The following PACS1 variants were observed in gnomAD, a reference collection of about 807,000 sequenced individuals.
The protein encoded by PACS1 is PACS-1.
In PACS1, 24 loss-of-function variants were observed where a neutral mutation model predicts 115.0. The ratio of observed to expected loss-of-function variants is 0.21; its 90% confidence interval spans 0.15 to 0.29. The LOEUF is 0.29. PACS1 is among the 10% of genes least tolerant of loss of function. The pLI, the probability that PACS1 is intolerant of heterozygous loss-of-function variation, is 1.00. For missense variants in PACS1, 838 were observed against 1,251.2 expected (o/e 0.67, Z 4.98); for synonymous variants, 453 against 504.5 (o/e 0.90, Z 1.37).
chr11:66,197,201 T>C (rs951392981), intron 2 of PACS1, among the ~76,000 whole-genome samples: 2 of 152,128 alleles, frequency 1.3e-5, no homozygotes, highest in Non-Finnish European at 2.9e-5. Flanking sequence ...AGGGTTAGTC[T>C]AAAGAGTTCC....
At chr11:66,079,311 T>TTTC (rs1554973999) in intron 1 of PACS1, among the ~76,000 whole-genome samples, 1 of 149,024 alleles carries the variant, frequency 6.7e-6, no homozygotes, top group African/African-American at 2.4e-5. Flanking sequence ...AGGTTTTTTT[T>TTTC]TTTTTTTTTT....
At chr11:66,211,023 C>T (rs1855059126) in intron 3 of PACS1, 111 bp from the exon 4 acceptor site, 1 of 1,278,698 alleles carries the variant, frequency 7.8e-7, no homozygotes, top group African/African-American at 1.5e-5. Context: ...CCTGACTGCC[C>T]CCTTTTAGAG....
chr11:66,241,376 G>A lies in PACS1; in HGVS notation c.2430-51G>A, dbSNP rs1272967497. 2.8e-6 allele frequency: 4 copies of A among 1,430,946 alleles called. No homozygotes were observed. In the South Asian group the frequency reaches 5.1e-5, roughly 18 times the overall value. 88.6% of individuals were successfully genotyped at this position (1,430,946 alleles called of 1,614,324 possible). A position where few individuals can be genotyped will look rare whatever the true frequency, so the allele number is the denominator to read the frequency against. On this transcript the variant is annotated intron_variant, in intron 21 of 23. Coordinates refer to ENST00000320580, the MANE Select transcript of PACS1 (RefSeq NM_018026.4). ...GCCCCTACCCCATCAGGCCTATGTA[G>A]TTGGGAGCTGAAGGCAGAGCTGACC...
chr11:66,076,586 T>C (rs1280937651), intron 1 of PACS1, among the ~76,000 whole-genome samples: 1 of 151,992 alleles, frequency 6.6e-6, no homozygotes, highest in East Asian at 1.9e-4. Context: ...AGAGACGGGG[T>C]TTCCCCATGT....
rs372870479 is a variant in PACS1 at position 66,239,272 on chromosome 11, C to T, written c.2424C>T (p.Ile808=). 5.0e-6 allele frequency: 8 copies of T among 1,611,280 alleles called. No individual in the cohort carries two copies. Among genetic ancestry groups the T allele is most frequent in the African/African-American group, 4.0e-5 (3 of 74,866 alleles). ...SSPSMSSALA[I]VGSPNSPYGD... Reference sequence around the variant, plus strand: ...CATCTATGAGCAGCGCCCTGGCCATCGTGGGGTAAGGCTCCTGCCCGTACC... The same window carrying T: ...CATCTATGAGCAGCGCCCTGGCCATTGTGGGGTAAGGCTCCTGCCCGTACC... Residue 808 remains isoleucine (I), a synonymous_variant, in exon 21 of 24, where the codon ATC becomes ATT. Coordinates refer to ENST00000320580, the MANE Select transcript of PACS1 (RefSeq NM_018026.4).
At chr11:66,172,420 A>C (rs1460660352) in intron 1 of PACS1, among the ~76,000 whole-genome samples, 3 of 152,044 alleles carry the variant, frequency 2.0e-5, no homozygotes, top group Non-Finnish European at 4.4e-5. Flanking sequence ...TTCTTGGGCC[A>C]CTCACTGTGG....
chr11:66,118,784 A>AG (rs1364138321), intron 1 of PACS1, among the ~76,000 whole-genome samples: 2 of 151,234 alleles, frequency 1.3e-5, no homozygotes, highest in African/African-American at 4.8e-5. Context: ...AAAAAAAAAA[A>AG]AAAAAAAAGA....
intron 2 of PACS1, among the ~76,000 whole-genome samples, chr11:66,199,279 C>T (rs1854720496): frequency 6.7e-6 from 1 of 149,072 alleles, no homozygotes; most frequent in South Asian, 2.1e-4. Flanking sequence ...CGCACCACTG[C>T]ACTCCAGCCT....
At chr11:66,116,961 G>A (rs994124978) in intron 1 of PACS1, among the ~76,000 whole-genome samples, 31 of 151,962 alleles carry the variant, frequency 2.0e-4, no homozygotes, top group Non-Finnish European at 4.4e-5. Flanking sequence ...ACAAATAAAG[G>A]GCAGTATATA....
In PACS1 at chr11:66,167,409, A is replaced by G. The variant is rs573049200; in HGVS notation, c.357-26077A>G. 4.9e-5 allele frequency among the ~76,000 whole-genome samples: 7 copies of G among 143,542 alleles called. No individual in the cohort carries two copies. In the South Asian group the frequency reaches 6.5e-4, roughly 13 times the overall value. The allele number at this position is 143,542 out of a possible 152,430, so 94.2% of individuals were successfully genotyped here. A position where few individuals can be genotyped will look rare whatever the true frequency, so the allele number is the denominator to read the frequency against. ...TGGAGTGCAGTCATAGCTCACTGCAACCTCGAACTTGAACTCCCGGCCTCA... is the reference window on the plus strand; with the variant it reads ...TGGAGTGCAGTCATAGCTCACTGCAGCCTCGAACTTGAACTCCCGGCCTCA... On this transcript the variant is annotated intron_variant, in intron 1 of 23. Coordinates refer to ENST00000320580, the MANE Select transcript of PACS1 (RefSeq NM_018026.4).
intron 1 of PACS1, among the ~76,000 whole-genome samples, chr11:66,178,835 G>A (rs1312557817): frequency 6.6e-6 from 1 of 152,172 alleles, no homozygotes; most frequent in Non-Finnish European, 1.5e-5. Flanking sequence ...GAGAGAGAAT[G>A]AGGTTGAAAT....
intron 10 of PACS1, among the ~76,000 whole-genome samples, chr11:66,226,315 T>C (rs1301789581): frequency 6.6e-6 from 1 of 152,254 alleles, no homozygotes; most frequent in African/African-American, 2.4e-5. Context: ...TCCCAGAGTC[T>C]GGCTCAGGCA....
intron 2 of PACS1, among the ~76,000 whole-genome samples, chr11:66,195,048 A>C (rs1456320058): frequency 6.6e-6 from 1 of 152,064 alleles, no homozygotes; most frequent in Non-Finnish European, 1.5e-5. Flanking sequence ...ACATGGTGAA[A>C]CCCCATCTCT....
In PACS1 at chr11:66,123,214, C is replaced by T. The variant is rs906632282; in HGVS notation, c.356+52372C>T. On this transcript the variant is annotated intron_variant, in intron 1 of 23. Transcript: ENST00000320580. ...CTTTTTTTTTTTTTTTTTAATGAGA[C>T]GGAGTCTTGCTTGGTTGCCCGGGCT... 7.9e-5 allele frequency among the ~76,000 whole-genome samples: 11 copies of T among 139,582 alleles called. No homozygotes were observed. In the East Asian group the frequency reaches 1.0e-3, roughly 13 times the overall value. The allele number at this position is 139,582 out of a possible 152,430, so 91.6% of individuals were successfully genotyped here.
chr11:66,222,216 G>A (rs778515616), intron 10 of PACS1, among the ~76,000 whole-genome samples: 31 of 152,186 alleles, frequency 2.0e-4, no homozygotes, highest in African/African-American at 7.2e-4. Flanking sequence ...CACCAGACTG[G>A]GGAAGGAGCA....
chr11:66,070,610 C>A lies in PACS1; in HGVS notation c.124C>A (p.Pro42Thr). The A allele has an allele frequency of 6.5e-7, 1 of 1,530,670 alleles. No individual in the cohort carries two copies. Among genetic ancestry groups the A allele is most frequent in the Non-Finnish European group, 8.7e-7 (1 of 1,147,986 alleles). 94.8% of individuals were successfully genotyped at this position (1,530,670 alleles called of 1,614,324 possible). Residue 42 changes from proline (P) to threonine (T), a missense_variant, in exon 1 of 24, where the codon CCG becomes ACG. Physicochemically the swap from Pro to Thr is conservative, Grantham distance 38. Coordinates refer to ENST00000320580, the MANE Select transcript of PACS1 (RefSeq NM_018026.4). This position sits in a 1 kb window ranked among gnomAD's most constrained non-coding sequence, Gnocchi z 5.9. The part of the protein sequence containing the change: ...PPPQQQQQQP[P>T]QQPTPPKLAQ... ...GCCGCAGCAGCAGCAGCAGCAGCCG[C>A]CGCAGCAGCCGACGCCCCCCAAGCT...
chr11:66,230,636 C>T lies in PACS1; in HGVS notation c.1463C>T (p.Thr488Met), dbSNP rs544856687. ...KVKTPMKSSK[T>M]DLQGSASPSK... ...AAAACTCCCATGAAGTCCAGTAAAA[C>T]GGATCTCCAGGGCTCTGCCTCCCCC... Residue 488 changes from threonine (T) to methionine (M), a missense_variant, in exon 12 of 24, where the codon ACG (threonine) becomes ATG (methionine). Thr to Met is a moderately conservative substitution (Grantham distance 81). Coordinates refer to ENST00000320580, the MANE Select transcript of PACS1 (RefSeq NM_018026.4). 1.4e-5 allele frequency: 23 copies of T among 1,613,948 alleles called. No homozygotes were observed. Among genetic ancestry groups the T allele is most frequent in the Admixed American group, 1.2e-4 (7 of 60,032 alleles).
intron 3 of PACS1, 148 bp from the exon 4 acceptor site, chr11:66,210,986 C>A (rs1225322402): frequency 2.3e-6 from 2 of 876,726 alleles, no homozygotes; most frequent in Non-Finnish European, 3.6e-6. Context: ...GCTCCACCAG[C>A]AGCAACTTCA....
At chr11:66,163,525 T>C (rs1285750661) in intron 1 of PACS1, among the ~76,000 whole-genome samples, 2 of 152,150 alleles carry the variant, frequency 1.3e-5, no homozygotes, top group East Asian at 3.9e-4. Context: ...GTCTAAAATT[T>C]ATACTTCCTG....
Sources: gnomAD v4.1 joint callset for allele counts (sites outside exome capture counted in the v4.1 genomes callset) on GRCh38, gnomAD v4.1.1 for gene constraint, Gnocchi (gnomAD v3.1) non-coding constraint, MANE v1.5 for transcripts, NCBI Gene and HGNC (gene_info 2026-07-23, HGNC 2026-07-21) for gene names.